CYP4F11: variants seen among roughly 807,000 people sequenced by gnomAD.
CYP4F11 encodes the protein cytochrome P450 family 4 subfamily F member 11.
Under a neutral mutation model 62.2 loss-of-function variants are expected in CYP4F11, and 79 were observed. That is an observed-to-expected ratio of 1.27 (90% CI 1.06 to 1.53). CYP4F11 has a LOEUF of 1.53. Ranked by LOEUF, CYP4F11 falls within the 40% of genes most tolerant of loss-of-function variation. CYP4F11 has a pLI of 0.00. For synonymous variants in CYP4F11, 290 were observed against 263.7 expected, an observed-to-expected ratio of 1.10 and a Z score of -0.97; for missense variants, 777 against 680.5, an observed-to-expected ratio of 1.14 and a Z score of -1.58.
At position 15,927,283 on chromosome 19, in the gene CYP4F11, T is replaced by C; in HGVS notation, c.454A>G (p.Thr152Ala). ...DKWSRHRRML[T>A]PAFHFNILKP... is the part of the protein sequence containing the mutation. ...AAGATGTTGAAATGGAAGGCAGGCG[T>C]CAACATCCGACGGTGGCGGCTCCAC... Residue 152 changes from threonine to alanine, a missense_variant, in exon 4 of 12, where the codon ACG becomes GCG. By Grantham distance (58) the Thr-to-Ala change is moderately conservative. Coordinates refer to ENST00000402119, the MANE Select transcript of CYP4F11 (RefSeq NM_021187.4). 6.2e-7 allele frequency: 1 copy of C among 1,614,064 alleles called. No individual in the cohort carries two copies. The highest frequency in any genetic ancestry group is 8.5e-7 in the Non-Finnish European group (1 of 1,180,024).
Position 15,913,560 on chromosome 19 carries a change from C to T in CYP4F11, c.*172G>A. Reference sequence around the variant, plus strand: ...ATGCCCTGTGCTCAGCCAGAGAGGCCGTCAGGGTTTTGGGTTCAGAGACGT... The same window carrying T: ...ATGCCCTGTGCTCAGCCAGAGAGGCTGTCAGGGTTTTGGGTTCAGAGACGT... On this transcript the variant is annotated 3_prime_UTR_variant, in exon 12 of 12. Coordinates refer to ENST00000402119, the MANE Select transcript of CYP4F11 (RefSeq NM_021187.4). 9.1e-6 allele frequency: 7 copies of T among 772,032 alleles called. No homozygotes were observed. Among genetic ancestry groups the T allele is most frequent in the Non-Finnish European group, 1.4e-5 (7 of 485,560 alleles). 47.8% of individuals were successfully genotyped at this position (772,032 alleles called of 1,614,324 possible).
intron 8 of CYP4F11, among the ~76,000 whole-genome samples, chr19:15,919,714 T>A (rs1230888102): frequency 6.6e-6 from 1 of 152,210 alleles, no homozygotes; most frequent in Admixed American, 6.5e-5. Flanking sequence ...TTTCCATGTA[T>A]AAATGCAAAA....
chr19:15,934,050 G>A (rs915801206), intron 1 of CYP4F11, among the ~76,000 whole-genome samples, 161 bp downstream of exon 1: 2 of 140,258 alleles, frequency 1.4e-5, no homozygotes, highest in African/African-American at 2.7e-5. Flanking sequence ...GCGGGGAGAG[G>A]AATGAGTGAG....
At chr19:15,915,293 G>C (rs2089575418) in intron 8 of CYP4F11, among the ~76,000 whole-genome samples, 1 of 152,170 alleles carries the variant, frequency 6.6e-6, no homozygotes, top group Admixed American at 6.5e-5. Flanking sequence ...AATTAGACAA[G>C]GGAATAAAAA....
In CYP4F11 at chr19:15,931,661, CGAGGAGAGGAATGAGTGAGCGAGG is replaced by C. The variant is rs1568257632; in HGVS notation, c.199-2084_199-2061del. Reference sequence around the variant, plus strand: ...GTGAGCGAGGAGAGGAATGAGTGAGCGAGGAGAGGAATGAGTGAGCGAGGAGAGGAATGAGTGAGCGAGGAGAGG... The same window carrying C: ...GTGAGCGAGGAGAGGAATGAGTGAGCAGAGGAATGAGTGAGCGAGGAGAGG... On this transcript the variant is annotated intron_variant, in intron 1 of 11. Transcript: ENST00000402119. Among the ~76,000 whole-genome samples the C allele has an allele frequency of 1.8e-3, 40 of 22,276 alleles. 1 individual carries two copies. The highest frequency in any genetic ancestry group is 3.2e-3 in the South Asian group (2 of 620). 14.6% of individuals were successfully genotyped at this position (22,276 alleles called of 152,430 possible). A position where few individuals can be genotyped will look rare whatever the true frequency, so the allele number is the denominator to read the frequency against.
intron 4 of CYP4F11, among the ~76,000 whole-genome samples, chr19:15,926,906 GT>G (rs2089672942): frequency 6.6e-6 from 1 of 152,100 alleles, no homozygotes; most frequent in Non-Finnish European, 1.5e-5. Context: ...AAACCAATGA[GT>G]TTTCAGGCGG....
intron 5 of CYP4F11, among the ~76,000 whole-genome samples, chr19:15,924,435 C>T (rs1412449617): frequency 1.3e-5 from 2 of 152,200 alleles, no homozygotes; most frequent in South Asian, 2.1e-4. Context: ...CTCCATGTAG[C>T]GTCTACATGA....
At chr19:15,922,675 C>T (rs4808410) in intron 6 of CYP4F11, among the ~76,000 whole-genome samples, 82,568 of 152,008 alleles carry the variant, frequency 0.54, 22,983 homozygotes, top group Non-Finnish European at 0.61. Flanking sequence ...TTTCTTGTTT[C>T]GAATAATGAG....
Position 15,914,612 on chromosome 19 carries a change from G to A in CYP4F11, c.1304C>T (p.Pro435Leu), listed in dbSNP as rs779656818. 2 of 1,614,214 alleles carry A rather than the reference G, an allele frequency of 1.2e-6. No individual in the cohort carries two copies. Among genetic ancestry groups the A allele is most frequent in the East Asian group, 2.2e-5 (1 of 44,890 alleles). The change falls in exon 10 of 12, where the codon CCA becomes CTA. Residue 435 changes from proline (P) to leucine (L), a missense_variant. Transcript: ENST00000402119. ...IGIHYNPTVW[P>L]DPEVYDPFRF... Reference sequence around the variant, plus strand: ...TGAGGGAGGCACTACCTCAGGGTCTGGCCACACAGTTGGGTTGTAATGGAT... The same window carrying A: ...TGAGGGAGGCACTACCTCAGGGTCTAGCCACACAGTTGGGTTGTAATGGAT...
At chr19:15,927,642 G>T (rs925729837) in intron 2 of CYP4F11, 159 bp from the exon 3 acceptor site, 2 of 949,554 alleles carry the variant, frequency 2.1e-6, no homozygotes, top group Admixed American at 2.3e-5. Context: ...GATGGTGGAG[G>T]AAGGAGAGAC....
intron 1 of CYP4F11, among the ~76,000 whole-genome samples, chr19:15,930,112 C>A (rs2089700253): frequency 1.3e-5 from 2 of 151,956 alleles, no homozygotes; most frequent in Admixed American, 1.3e-4. Context: ...GGAAGATATC[C>A]TGTCAATTCA....
rs191686763 is a variant in CYP4F11, at chr19:15,916,946, C to T, written c.1116-2051G>A. Among the ~76,000 whole-genome samples, 19 of 152,208 alleles carry T rather than the reference C, an allele frequency of 1.2e-4. 1 individual carries two copies. The highest frequency in any genetic ancestry group is 4.1e-4 in the African/African-American group (17 of 41,538). Reference sequence around the variant, plus strand: ...GGTATCTACCCAAAGGAAAAGAAGTCGTTATATGAAAAAGACACATGCACA... The same window carrying T: ...GGTATCTACCCAAAGGAAAAGAAGTTGTTATATGAAAAAGACACATGCACA... On this transcript the variant is annotated intron_variant, in intron 8 of 11. Coordinates refer to ENST00000402119, the MANE Select transcript of CYP4F11 (RefSeq NM_021187.4).
chr19:15,914,471 TG>T, intron 10 of CYP4F11, 84 bp from the exon 11 acceptor site: 2 of 1,558,202 alleles, frequency 1.3e-6, no homozygotes, highest in Non-Finnish European at 1.8e-6. Flanking sequence ...CCCCCGGCCT[TG>T]GAGAGACATT....
intron 8 of CYP4F11, 73 bp from the exon 9 acceptor site, chr19:15,914,968 G>A (rs564152748): frequency 7.5e-5 from 118 of 1,570,560 alleles, no homozygotes; most frequent in Non-Finnish European, 9.4e-5. Context: ...CTGTTTCCAA[G>A]CGAGACTTTT....
chr19:15,931,681 C>CGGGGAGAGGAATGAGTGAGT, intron 1 of CYP4F11, among the ~76,000 whole-genome samples: 1 of 21,534 alleles, frequency 4.6e-5, no homozygotes, highest in Non-Finnish European at 7.4e-5. Context: ...AATGAGTGAG[C>CGGGGAGAGGAATGAGTGAGT]GAGGAGAGGA....
rs751402411 is a variant in CYP4F11, at chr19:15,924,084, T to G, written c.648-2A>C. ...GCGGCAATATATTCACTGGGCTTCC[T>G]GCATGAAGGAGGTAACAACTTAACA... On this transcript the variant is annotated splice_acceptor_variant, in intron 5 of 11. Transcript: ENST00000402119. LOFTEE classifies it high-confidence loss of function. 1 of 1,612,530 alleles carries G rather than the reference T, an allele frequency of 6.2e-7. No individual in the cohort carries two copies. Among genetic ancestry groups the G allele is most frequent in the Non-Finnish European group, 8.5e-7 (1 of 1,178,740 alleles).
intron 1 of CYP4F11, among the ~76,000 whole-genome samples, chr19:15,930,931 C>T (rs1448333678): frequency 6.6e-6 from 1 of 152,196 alleles, no homozygotes; most frequent in Non-Finnish European, 1.5e-5. Context: ...AGGCTCTGTG[C>T]TAGTGTGTCC....
At chr19:15,919,481 TAGATA>T in intron 8 of CYP4F11, among the ~76,000 whole-genome samples, 1 of 104,374 alleles carries the variant, frequency 9.6e-6, no homozygotes, top group Non-Finnish European at 2.1e-5. Flanking sequence ...TATAGATAGA[TAGATA>T]GATAGATAGA....
intron 5 of CYP4F11, 117 bp from the exon 6 acceptor site, chr19:15,924,199 A>C: frequency 1.6e-6 from 2 of 1,249,424 alleles, no homozygotes. Flanking sequence ...AGGAGACTTG[A>C]CTCTCCAAAC....
Sources: allele counts gnomAD v4.1 joint callset (sites outside exome capture counted in the v4.1 genomes callset), GRCh38; gene constraint gnomAD v4.1.1; transcripts MANE v1.5; gene names NCBI Gene and HGNC (gene_info 2026-07-23, HGNC 2026-07-21).